Variants in TOX2 observed in about 807,000 individuals in gnomAD.
The protein encoded by TOX2 is granulosa cell HMG box 1.
TOX2 carries 15 observed loss-of-function variants against 47.4 expected under a neutral mutation model. The observed-to-expected ratio is 0.32, with a 90% CI of 0.21 to 0.49. The LOEUF is 0.49. Ranked by LOEUF, TOX2 falls within the 20% of genes least tolerant of loss-of-function variation. The pLI, the probability that TOX2 is intolerant of heterozygous loss-of-function variation, is 0.99. For synonymous variants in TOX2, 290 were observed against 296.6 expected, an observed-to-expected ratio of 0.98 and a Z score of 0.23; for missense variants, 622 against 673.1, an observed-to-expected ratio of 0.92 and a Z score of 0.84.
chr20:44,054,678 G>C, intron 5 of TOX2, 152 bp downstream of exon 5: 1 of 813,820 alleles, frequency 1.2e-6, no homozygotes, highest in Non-Finnish European at 2.0e-6. Flanking sequence ...CTGTAAACTG[G>C]GAAGCTAGCT....
At chr20:43,979,556 C>A (rs1569057686) in intron 2 of TOX2, among the ~76,000 whole-genome samples, 2 of 152,196 alleles carry the variant, frequency 1.3e-5, no homozygotes, top group East Asian at 1.9e-4. Flanking sequence ...TAAAACACTT[C>A]TGTACAGCAA....
intron 1 of TOX2, chr20:43,945,690 G>A (rs2069457178): frequency 9.3e-6 from 5 of 536,034 alleles, no homozygotes; most frequent in Non-Finnish European, 1.6e-5. Flanking sequence ...CCCGAGACCT[G>A]GCGTGGAGAC....
In TOX2 at chr20:44,005,584, G is replaced by A. The variant is rs182232183; in HGVS notation, c.166-963G>A. Among the ~76,000 whole-genome samples the A allele has an allele frequency of 1.4e-4, 21 of 152,278 alleles. 1 individual carries two copies. The highest frequency in any genetic ancestry group is 1.2e-3 in the Admixed American group (18 of 15,300). The stretch of plus-strand genomic sequence containing the variant: ...ATCTATAGAAAGAATAATATGTCAT[G>A]ACCAAATAGGGTTTATTCCAGGAAT... On this transcript the variant is annotated intron_variant, in intron 2 of 8. Transcript: ENST00000341197.
intron 2 of TOX2, among the ~76,000 whole-genome samples, chr20:43,996,076 T>A (rs6124612): frequency 0.033 from 5,035 of 152,266 alleles, 212 homozygotes; most frequent in East Asian, 0.12. Context: ...TTTTGTTCTT[T>A]GAGTGATTGC....
chr20:43,971,742 T>C (rs1173015701), intron 1 of TOX2, among the ~76,000 whole-genome samples: 1 of 152,228 alleles, frequency 6.6e-6, no homozygotes, highest in African/African-American at 2.4e-5. Flanking sequence ...ATATCCACAC[T>C]GTGGAATACT....
rs1040321936 is a variant in TOX2, at chr20:44,005,871, C to T, written c.166-676C>T. On this transcript the variant is annotated intron_variant, in intron 2 of 8. Transcript: ENST00000341197. ...GAGCTCTTTAAGATAAGGAAAAAGG[C>T]CCGGATGTCTGTTCTCACCATTTCT... 2.6e-5 allele frequency among the ~76,000 whole-genome samples: 4 copies of T among 152,084 alleles called. No individual in the cohort carries two copies. In the South Asian group the frequency reaches 8.3e-4, roughly 32 times the overall value.
intron 1 of TOX2, among the ~76,000 whole-genome samples, chr20:43,946,481 G>A (rs1316959187): frequency 6.6e-6 from 1 of 152,140 alleles, no homozygotes; most frequent in African/African-American, 2.4e-5. Flanking sequence ...AAGGCAAGAC[G>A]GGTGAGAAGC....
intron 1 of TOX2, among the ~76,000 whole-genome samples, chr20:43,950,411 T>C (rs4812772): frequency 0.68 from 103,697 of 152,030 alleles, 36,047 homozygotes; most frequent in East Asian, 0.83. Context: ...GGCTTCCTCT[T>C]TCTGGGGAGG....
In TOX2 at chr20:43,940,804, G is replaced by A. The variant is rs553429844; in HGVS notation, c.99+25814G>A. Among the ~76,000 whole-genome samples the A allele has an allele frequency of 1.1e-4, 16 of 152,338 alleles. No homozygotes were observed. In the South Asian group the frequency reaches 1.7e-3, roughly 16 times the overall value. ...AGTGGGCATGAGGATGTAGACCAGG[G>A]CACCTTAGAAGCGCAAAGCGGCTTT... On this transcript the variant is annotated intron_variant, in intron 1 of 8. Transcript: ENST00000341197.
rs5012953 is a variant in TOX2, at chr20:44,026,252, C to A, written c.411+19460C>A. ...TGATATATATATATATATATATAGA[C>A]ACACACACACACAATGGAATACTAC... On this transcript the variant is annotated intron_variant, in intron 3 of 8. Transcript: ENST00000341197. Among the ~76,000 whole-genome samples, 2 of 81,916 alleles carry A rather than the reference C, an allele frequency of 2.4e-5. 1 individual carries two copies. The highest frequency in any genetic ancestry group is 4.6e-5 in the Non-Finnish European group (2 of 43,028). 53.7% of individuals were successfully genotyped at this position (81,916 alleles called of 152,430 possible). A position where few individuals can be genotyped will look rare whatever the true frequency, so the allele number is the denominator to read the frequency against.
At chr20:44,049,480 CTTCTT>C (rs1470435918) in intron 3 of TOX2, among the ~76,000 whole-genome samples, 5 of 152,160 alleles carry the variant, frequency 3.3e-5, no homozygotes, top group Non-Finnish European at 7.3e-5. Context: ...TTCCAGAACT[CTTCTT>C]TTTGTTAGCC....
intron 1 of TOX2, among the ~76,000 whole-genome samples, chr20:43,957,044 C>T (rs1250348870): frequency 2.0e-5 from 3 of 152,120 alleles, no homozygotes; most frequent in African/African-American, 7.2e-5. Flanking sequence ...TGTTTTCTTC[C>T]ACAGAAGATA....
At chr20:44,018,718 T>A (rs1471757307) in intron 3 of TOX2, among the ~76,000 whole-genome samples, 2 of 152,206 alleles carry the variant, frequency 1.3e-5, no homozygotes, top group Non-Finnish European at 2.9e-5. Context: ...ACAGCTCATC[T>A]AAATATTAAA....
chr20:43,982,315 G>A (rs2070183055), intron 2 of TOX2, among the ~76,000 whole-genome samples: 2 of 152,178 alleles, frequency 1.3e-5, no homozygotes, highest in Non-Finnish European at 2.9e-5. Context: ...CCCGGTGCTT[G>A]TGCTGTGGGG....
At chr20:44,035,325 C>T (rs2071222368) in intron 3 of TOX2, among the ~76,000 whole-genome samples, 1 of 152,222 alleles carries the variant, frequency 6.6e-6, no homozygotes, top group Admixed American at 6.5e-5. Context: ...GTGAAGCCAC[C>T]TTGGGTCCTG....
chr20:44,059,554 A>G (rs1368670018), intron 5 of TOX2, among the ~76,000 whole-genome samples: 2 of 151,626 alleles, frequency 1.3e-5, no homozygotes, highest in Admixed American at 6.6e-5. Context: ...GGAAAGGAAA[A>G]CCTTTCAGAT....
Position 43,951,707 on chromosome 20 carries a change from GT to G in TOX2, c.100-21639del, listed in dbSNP as rs59829203. On this transcript the variant is annotated intron_variant, in intron 1 of 8. Coordinates refer to ENST00000341197, the MANE Select transcript of TOX2 (RefSeq NM_001098797.2). The stretch of plus-strand genomic sequence containing the variant: ...TGACCATTACTATTAAACTTATTAT[GT>G]TTTTTTTTTTTTTTTTTTTTAGAGA... 1.6e-3 allele frequency among the ~76,000 whole-genome samples: 86 copies of G among 55,090 alleles called. 10 individuals carry two copies. Among genetic ancestry groups the G allele is most frequent in the Admixed American group, 2.6e-3 (11 of 4,254 alleles). 36.1% of individuals were successfully genotyped at this position (55,090 alleles called of 152,430 possible). A position where few individuals can be genotyped will look rare whatever the true frequency, so the allele number is the denominator to read the frequency against.
At position 44,006,613 on chromosome 20, in the gene TOX2, C is replaced by G; in HGVS notation, c.232C>G (p.Pro78Ala). The G allele has an allele frequency of 1.9e-6, 3 of 1,614,128 alleles. No homozygotes were observed. The stretch of plus-strand genomic sequence containing the variant: ...CCCCCCGATAACACCTCCCAACCTC[C>G]CGGAGCCATCCCTCCTGCACCTGGG... ...EIPPITPPNL[P>A]EPSLLHLGDH... The change falls in exon 3 of 9, where the codon CCG (proline) becomes GCG (alanine). Residue 78 changes from proline to alanine, a missense_variant. Pro to Ala is a conservative substitution (Grantham distance 27, BLOSUM62 -1). This residue lies in a region of TOX2 where 307 missense variants were observed against 327.3 expected (regional missense o/e 0.94). Coordinates refer to ENST00000341197, the MANE Select transcript of TOX2 (RefSeq NM_001098797.2).
At chr20:43,939,940 C>G (rs577568124) in intron 1 of TOX2, among the ~76,000 whole-genome samples, 5 of 152,240 alleles carry the variant, frequency 3.3e-5, no homozygotes, top group Admixed American at 3.3e-4. Context: ...AGGTTTCCTT[C>G]TGTAGTTAAA....
Sources: allele counts gnomAD v4.1 joint callset (sites outside exome capture counted in the v4.1 genomes callset), GRCh38; gene constraint gnomAD v4.1.1; regional missense constraint gnomAD v4.1.1; transcripts MANE v1.5; gene names NCBI Gene and HGNC (gene_info 2026-07-23, HGNC 2026-07-21).